The following ARL15 variants were observed in gnomAD, a reference collection of about 807,000 sequenced individuals.
The protein encoded by ARL15 is ARF like GTPase 15.
A neutral mutation model predicts 25.2 loss-of-function variants in ARL15; 19 were observed. The observed-to-expected ratio is 0.75, with a 90% CI of 0.53 to 1.10. The LOEUF (loss-of-function observed/expected upper bound fraction) is 1.10. Among genes scored for constraint, ARL15 ranks in the 50% least tolerant of loss-of-function variants. ARL15 has a pLI of 0.00. For missense variants in ARL15, 220 were observed against 246.0 expected, an observed-to-expected ratio of 0.89 and a Z score of 0.71; for synonymous variants, 94 against 86.8, an observed-to-expected ratio of 1.08 and a Z score of -0.46.
intron 4 of ARL15, among the ~76,000 whole-genome samples, chr5:54,050,537 T>C (rs1205996205): frequency 6.6e-6 from 1 of 152,168 alleles, no homozygotes; most frequent in African/African-American, 2.4e-5. Context: ...TTCAGATGCT[T>C]TCTGCTGGGG....
intron 4 of ARL15, among the ~76,000 whole-genome samples, chr5:54,028,423 A>G (rs1355269145): frequency 6.6e-6 from 1 of 151,546 alleles, no homozygotes; most frequent in East Asian, 2.0e-4. Context: ...ATTTGAGCAA[A>G]TTTTCTCTTT....
At chr5:54,173,222 G>GAAA (rs1754772828) in intron 1 of ARL15, among the ~76,000 whole-genome samples, 2 of 151,224 alleles carry the variant, frequency 1.3e-5, no homozygotes, top group Admixed American at 6.6e-5. Context: ...AAGAAAGAAA[G>GAAA]AAAAACAAGA....
intron 4 of ARL15, among the ~76,000 whole-genome samples, chr5:53,959,735 C>A (rs757089144): frequency 8.0e-4 from 122 of 152,216 alleles, no homozygotes; most frequent in Non-Finnish European, 3.8e-4. Context: ...CTCAGTGAGG[C>A]CTTCCATGCT....
In ARL15 at chr5:54,135,017, T is replaced by A. The variant is rs115339416; in HGVS notation, c.253+19563A>T. On this transcript the variant is annotated intron_variant, in intron 3 of 4. Coordinates refer to ENST00000504924, the MANE Select transcript of ARL15 (RefSeq NM_019087.3). ...AAGAAATTATTTTAATATTTACAGA[T>A]GTCTCAAAGCTGAAAGGAATTGCTA... Among the ~76,000 whole-genome samples the A allele has an allele frequency of 4.1e-3, 629 of 152,242 alleles. 4 individuals are homozygous for A. The highest frequency in any genetic ancestry group is 0.015 in the African/African-American group (607 of 41,520).
chr5:54,094,206 T>C (rs572395305), intron 4 of ARL15, among the ~76,000 whole-genome samples: 1 of 152,304 alleles, frequency 6.6e-6, no homozygotes. Flanking sequence ...CCAGACCACG[T>C]AGAGTCTCAT....
chr5:54,236,374 G>T (rs923486836), intron 1 of ARL15, among the ~76,000 whole-genome samples: 1 of 150,932 alleles, frequency 6.6e-6, no homozygotes, highest in Non-Finnish European at 1.5e-5. Flanking sequence ...AATCTCAACT[G>T]GAAGTGGCCG....
rs6878155 is a variant in ARL15, at chr5:54,246,847, G to C, written c.48+63585C>G. On this transcript the variant is annotated intron_variant, in intron 1 of 4. Coordinates refer to ENST00000504924, the MANE Select transcript of ARL15 (RefSeq NM_019087.3). The stretch of plus-strand genomic sequence containing the variant: ...ACACACACACACACACACACACACA[G>C]AGTACATAAAACATATACACAGTAT... 4.2e-3 allele frequency among the ~76,000 whole-genome samples: 513 copies of C among 121,834 alleles called. 5 individuals carry two copies. Among genetic ancestry groups the C allele is most frequent in the African/African-American group, 0.015 (480 of 31,480 alleles). The allele number at this position is 121,834 out of a possible 152,430, so 79.9% of individuals were successfully genotyped here. A position where few individuals can be genotyped will look rare whatever the true frequency, so the allele number is the denominator to read the frequency against.
intron 1 of ARL15, among the ~76,000 whole-genome samples, chr5:54,219,628 A>G (rs539486636): frequency 1.4e-3 from 220 of 152,326 alleles, no homozygotes; most frequent in African/African-American, 5.1e-3. Context: ...AAAAGTCTGT[A>G]TCATACTGGT....
intron 4 of ARL15, among the ~76,000 whole-genome samples, chr5:54,084,861 T>C (rs918341856): frequency 6.6e-6 from 1 of 152,150 alleles, no homozygotes; most frequent in Non-Finnish European, 1.5e-5. Context: ...TTGAAAAACA[T>C]CATCTTGGAA....
intron 3 of ARL15, among the ~76,000 whole-genome samples, chr5:54,137,418 G>T (rs1753637352): frequency 6.6e-6 from 1 of 152,018 alleles, no homozygotes; most frequent in Admixed American, 6.6e-5. Flanking sequence ...CACTTTTAGG[G>T]TATAACCTGA....
At chr5:54,009,010 C>CTGA (rs1317342916) in intron 4 of ARL15, among the ~76,000 whole-genome samples, 1 of 152,088 alleles carries the variant, frequency 6.6e-6, no homozygotes, top group African/African-American at 2.4e-5. Flanking sequence ...TGAAAATGAG[C>CTGA]TGATCATTTT....
intron 4 of ARL15, among the ~76,000 whole-genome samples, chr5:53,961,140 T>G (rs923395603): frequency 6.6e-6 from 1 of 152,164 alleles, no homozygotes; most frequent in Non-Finnish European, 1.5e-5. Flanking sequence ...TGAAATTTTT[T>G]AAATCGCTGT....
At chr5:53,967,384 G>A (rs1324259087) in intron 4 of ARL15, among the ~76,000 whole-genome samples, 1 of 152,176 alleles carries the variant, frequency 6.6e-6, no homozygotes, top group Non-Finnish European at 1.5e-5. Context: ...CCAAATGGGA[G>A]AAGGCAAAAG....
chr5:53,997,837 A>G (rs1748730569), intron 4 of ARL15, among the ~76,000 whole-genome samples: 1 of 152,194 alleles, frequency 6.6e-6, no homozygotes, highest in African/African-American at 2.4e-5. Flanking sequence ...AAAGAAATGT[A>G]AAACCACTAA....
chr5:53,978,622 C>CAAAAAAAAAAAAAAAAAA (rs147288475), intron 4 of ARL15, among the ~76,000 whole-genome samples: 7 of 74,562 alleles, frequency 9.4e-5, no homozygotes, highest in South Asian at 5.2e-4. Context: ...CCTGTCTCTA[C>CAAAAAAAAAAAAAAAAAA]AAAAAAAAAA....
intron 4 of ARL15, among the ~76,000 whole-genome samples, chr5:54,102,932 C>A (rs903149814): frequency 6.6e-6 from 1 of 152,158 alleles, no homozygotes; most frequent in South Asian, 2.1e-4. Context: ...ATTGGTTTAA[C>A]TTCTCATTTA....
intron 3 of ARL15, among the ~76,000 whole-genome samples, chr5:54,147,842 A>G (rs983927433): frequency 1.8e-4 from 28 of 152,168 alleles, no homozygotes; most frequent in Non-Finnish European, 3.7e-4. Flanking sequence ...TCTTTTTCTA[A>G]TACCCAACTA....
At chr5:53,989,947 C>A (rs1284663687) in intron 4 of ARL15, among the ~76,000 whole-genome samples, 1 of 152,086 alleles carries the variant, frequency 6.6e-6, no homozygotes, top group Admixed American at 6.6e-5. Context: ...TTAAAGAAAG[C>A]ACAAGGCTGG....
chr5:54,286,927 G>C (rs1019627031), intron 1 of ARL15, among the ~76,000 whole-genome samples: 1 of 150,088 alleles, frequency 6.7e-6, no homozygotes, highest in Non-Finnish European at 1.5e-5. Context: ...GGAGTGCAGT[G>C]GCGCAGTCTT....
Sources: allele counts gnomAD v4.1 joint callset (sites outside exome capture counted in the v4.1 genomes callset), GRCh38; gene constraint gnomAD v4.1.1; transcripts MANE v1.5; gene names NCBI Gene and HGNC (gene_info 2026-07-23, HGNC 2026-07-21).